CCNH: variants seen among roughly 807,000 people sequenced by gnomAD.
CCNH encodes cyclin H.
A neutral mutation model predicts 41.9 loss-of-function variants in CCNH; 31 were observed. The observed-to-expected ratio is 0.74, with a 90% CI of 0.56 to 1.00. The LOEUF is 1.00. CCNH is among the 50% of genes least tolerant of loss of function. The pLI, the probability that CCNH is intolerant of heterozygous loss-of-function variation, is 0.00. For missense variants in CCNH, 362 were observed against 388.4 expected, an observed-to-expected ratio of 0.93 and a Z score of 0.57; for synonymous variants, 138 against 136.1, an observed-to-expected ratio of 1.01 and a Z score of -0.10.
At chr5:87,313,487 T>C (rs1346175475), downstream of CCNH, among the ~76,000 whole-genome samples, 2 of 152,200 alleles carry the variant, frequency 1.3e-5, no homozygotes, top group Non-Finnish European at 2.9e-5. Flanking sequence ...TTATGACTTT[T>C]GAATTTCCAC....
downstream of CCNH, among the ~76,000 whole-genome samples, chr5:87,313,417 T>A (rs1181526956): frequency 6.6e-6 from 1 of 152,042 alleles, no homozygotes; most frequent in Non-Finnish European, 1.5e-5. Flanking sequence ...AGAAATAGCT[T>A]GAATGGGAGA....
At chr5:87,358,567 C>T (rs1465899085) in intron 9 of CCNH, among the ~76,000 whole-genome samples, 3 of 152,348 alleles carry the variant, frequency 2.0e-5, no homozygotes, top group Middle Eastern at 3.4e-3. Flanking sequence ...TAGTTTCTAG[C>T]TTTGTCCCCT....
intron 9 of CCNH, among the ~76,000 whole-genome samples, chr5:87,384,265 T>C (rs79015578): frequency 0.013 from 2,005 of 152,230 alleles, 32 homozygotes; most frequent in African/African-American, 0.045. Flanking sequence ...ATAGTGTAAA[T>C]TGGCCATTTT....
At chr5:87,334,184 A>G (rs115338759) in intron 9 of CCNH, among the ~76,000 whole-genome samples, 3,193 of 152,288 alleles carry the variant, frequency 0.021, 111 homozygotes, top group African/African-American at 0.072. Flanking sequence ...TGAAAACCCA[A>G]GAAAGCCAGT....
At chr5:87,399,900 C>T (rs3093825) in intron 6 of CCNH, among the ~76,000 whole-genome samples, 1 of 152,152 alleles carries the variant, frequency 6.6e-6, no homozygotes, top group Non-Finnish European at 1.5e-5. Context: ...AGACAGTGGG[C>T]CAAGCATATA....
downstream of CCNH, among the ~76,000 whole-genome samples, chr5:87,371,557 A>G (rs1760941047): frequency 6.6e-6 from 1 of 152,152 alleles, no homozygotes; most frequent in African/African-American, 2.4e-5. Context: ...GGCTAAAATG[A>G]TTTTTAAAAT....
intron 6 of CCNH, 84 bp downstream of exon 6, chr5:87,401,618 T>A: frequency 1.2e-6 from 1 of 828,310 alleles, no homozygotes; most frequent in East Asian, 2.7e-5. Context: ...ATCTGTTATA[T>A]TTCTAGTTAA....
At chr5:87,389,461 G>C, downstream of CCNH, 1 of 1,614,170 alleles carries the variant, frequency 6.2e-7, no homozygotes, top group Non-Finnish European at 8.5e-7. Context: ...TAGCAGCATT[G>C]CATGAGATTT....
At chr5:87,403,066 C>A (rs1006173141) in intron 5 of CCNH, among the ~76,000 whole-genome samples, 2 of 152,038 alleles carry the variant, frequency 1.3e-5, no homozygotes, top group Admixed American at 6.6e-5. Context: ...CGGTAATAAT[C>A]CTATGATTAA....
At chr5:87,341,938 A>G (rs1758499944) in intron 9 of CCNH, among the ~76,000 whole-genome samples, 1 of 152,100 alleles carries the variant, frequency 6.6e-6, no homozygotes, top group Non-Finnish European at 1.5e-5. Context: ...TCTAACCATT[A>G]GAATATAAAA....
chr5:87,372,405 T>C (rs1326246185), downstream of CCNH, among the ~76,000 whole-genome samples: 2 of 152,188 alleles, frequency 1.3e-5, no homozygotes, highest in African/African-American at 4.8e-5. Flanking sequence ...AGAAAGATTA[T>C]TCTTCCACTT....
intron 9 of CCNH, among the ~76,000 whole-genome samples, chr5:87,351,813 A>G (rs1759301464): frequency 6.6e-6 from 1 of 151,826 alleles, no homozygotes; most frequent in Non-Finnish European, 1.5e-5. Context: ...TTGCTCCTGG[A>G]CAATCTGAAC....
rs544421015 is a variant in CCNH, at chr5:87,356,386, T to A, written c.*90+36384A>T. On this transcript the variant is annotated intron_variant and NMD_transcript_variant, in intron 9 of 9. Coordinates refer to the CCNH transcript ENST00000645953. Reference sequence around the variant, plus strand: ...ACTGACGTCCTAGATGATTGTTATTTTTTTTTTTTTTTCTCCCTCCGGAGT... The same window carrying A: ...ACTGACGTCCTAGATGATTGTTATTATTTTTTTTTTTTCTCCCTCCGGAGT... Among the ~76,000 whole-genome samples the A allele has an allele frequency of 1.1e-4, 17 of 151,784 alleles. No individual in the cohort carries two copies. The South Asian group carries it at 1.5e-3, about 13-fold the overall frequency.
chr5:87,318,028 A>C (rs1481537022), downstream of CCNH, among the ~76,000 whole-genome samples: 2 of 152,090 alleles, frequency 1.3e-5, no homozygotes, highest in African/African-American at 2.4e-5. Flanking sequence ...AGTTGTAATG[A>C]AACAGTTTTC....
At chr5:87,358,032 G>A (rs1759785367) in intron 9 of CCNH, among the ~76,000 whole-genome samples, 1 of 152,172 alleles carries the variant, frequency 6.6e-6, no homozygotes, top group Non-Finnish European at 1.5e-5. Flanking sequence ...CATTCTTCAA[G>A]CAGGGTTTTA....
At chr5:87,412,431 T>C in intron 1 of CCNH, 1 of 1,359,660 alleles carries the variant, frequency 7.4e-7, no homozygotes, top group Non-Finnish European at 9.5e-7. Flanking sequence ...AGCACACTAC[T>C]TACTCTCTTC....
At chr5:87,369,821 G>C in intron 9 of CCNH, 1 of 1,610,842 alleles carries the variant, frequency 6.2e-7, no homozygotes, top group Non-Finnish European at 8.5e-7. Flanking sequence ...AGGCCAAACT[G>C]TTTTCAGATA....
intron 9 of CCNH, among the ~76,000 whole-genome samples, chr5:87,360,155 G>A (rs543617934): frequency 1.8e-4 from 23 of 127,738 alleles, no homozygotes; most frequent in African/African-American, 5.9e-4. Flanking sequence ...ATGGAATTTC[G>A]CTCTTTTTTG....
intron 9 of CCNH, among the ~76,000 whole-genome samples, chr5:87,324,169 C>G (rs1307554053): frequency 6.6e-6 from 1 of 152,052 alleles, no homozygotes; most frequent in East Asian, 1.9e-4. Context: ...TAAGAAAAAC[C>G]CAACTATAAG....
Sources: allele counts gnomAD v4.1 joint callset (sites outside exome capture counted in the v4.1 genomes callset), GRCh38; gene constraint gnomAD v4.1.1; transcripts MANE v1.5; gene names NCBI Gene and HGNC (gene_info 2026-07-23, HGNC 2026-07-21).